The following HACE1 variants were observed in gnomAD, a reference collection of about 807,000 sequenced individuals.
The protein encoded by HACE1 is HECT domain and ankyrin repeat containing E3 ubiquitin protein ligase 1.
HACE1 carries 73 observed loss-of-function variants against 118.4 expected under a neutral mutation model. The ratio of observed to expected loss-of-function variants is 0.62; its 90% CI spans 0.51 to 0.75. The LOEUF is 0.75. HACE1 is among the 30% of genes least tolerant of loss of function. The probability of loss-of-function intolerance (pLI) is 0.00; values close to 1 mark genes in which losing one functional copy is unlikely to be tolerated. For synonymous variants in HACE1, 368 were observed against 374.8 expected (o/e 0.98, Z 0.21); for missense variants, 749 against 1,102.2 (o/e 0.68, Z 4.54).
At chr6:104,744,479 T>C in intron 21 of HACE1, 33 bp downstream of exon 21, 1 of 1,193,434 alleles carries the variant, frequency 8.4e-7, no homozygotes, top group East Asian at 2.3e-5. Context: ...ACGGCAAAAC[T>C]TAACTTCATT....
intron 20 of HACE1, among the ~76,000 whole-genome samples, chr6:104,748,125 CTA>C (rs1179364674): frequency 6.6e-6 from 1 of 151,674 alleles, no homozygotes; most frequent in East Asian, 1.9e-4. Flanking sequence ...ATAAACTGAA[CTA>C]TGTTAAACCC....
At chr6:104,758,613 C>G (rs1778981620) in intron 19 of HACE1, among the ~76,000 whole-genome samples, 1 of 152,134 alleles carries the variant, frequency 6.6e-6, no homozygotes, top group Non-Finnish European at 1.5e-5. Flanking sequence ...CTGTAAAGAC[C>G]ATCGACGCTA....
intron 1 of HACE1, chr6:104,858,395 AT>A: frequency 2.3e-5 from 6 of 258,862 alleles, no homozygotes; most frequent in Admixed American, 1.1e-4. Flanking sequence ...ACTAGAGACC[AT>A]TTTTTCAAGA....
intron 9 of HACE1, 35 bp downstream of exon 9, chr6:104,796,617 GCTT>G: frequency 1.0e-6 from 1 of 1,002,916 alleles, no homozygotes; most frequent in Non-Finnish European, 1.6e-6. Flanking sequence ...CAGGAATAAA[GCTT>G]CTTCATTTAC....
chr6:104,737,385 G>A (rs7766552), intron 22 of HACE1, among the ~76,000 whole-genome samples: 1 of 150,984 alleles, frequency 6.6e-6, no homozygotes, highest in African/African-American at 2.4e-5. Flanking sequence ...CCACGCAAAA[G>A]ATGGTGATTT....
intron 19 of HACE1, among the ~76,000 whole-genome samples, chr6:104,761,253 CAAG>C (rs1562310634): frequency 6.6e-6 from 1 of 152,088 alleles, no homozygotes; most frequent in Non-Finnish European, 1.5e-5. Context: ...CAATCCTGGG[CAAG>C]AAGAACAAAG....
At chr6:104,795,136 T>C (rs955903685) in intron 10 of HACE1, among the ~76,000 whole-genome samples, 1 of 152,204 alleles carries the variant, frequency 6.6e-6, no homozygotes, top group East Asian at 1.9e-4. Context: ...CAGGATCTTT[T>C]AGAAATAATA....
chr6:104,779,395 G>A (rs1781515431), intron 14 of HACE1, among the ~76,000 whole-genome samples: 1 of 152,098 alleles, frequency 6.6e-6, no homozygotes, highest in Non-Finnish European at 1.5e-5. Flanking sequence ...CAATATGATC[G>A]ATGAGAGATG....
intron 19 of HACE1, among the ~76,000 whole-genome samples, chr6:104,757,600 G>A (rs1778865975): frequency 6.6e-6 from 1 of 152,178 alleles, no homozygotes; most frequent in Non-Finnish European, 1.5e-5. Flanking sequence ...AACCAGAGCA[G>A]AAAGGCTGAA....
rs971915140 is a variant in HACE1 at position 104,842,454 on chromosome 6, GT to G, written c.402+768del. ...CCCCGTCTCTACTGAAAATACAAAA[GT>G]TTTTTTTTTTTTTAACCGTGATTAT... is the stretch of plus-strand genomic sequence containing the variant. On this transcript the variant is annotated intron_variant, in intron 5 of 23. Coordinates refer to ENST00000262903, the MANE Select transcript of HACE1 (RefSeq NM_020771.4). 8.6e-3 allele frequency: 1,235 copies of G among 142,950 alleles called. 14 individuals are homozygous for G. Among genetic ancestry groups the G allele is most frequent in the African/African-American group, 0.026 (1,039 of 39,288 alleles). 8.9% of individuals were successfully genotyped at this position (142,950 alleles called of 1,614,324 possible). A position where few individuals can be genotyped will look rare whatever the true frequency, so the allele number is the denominator to read the frequency against.
At chr6:104,823,545 T>C (rs1022791630) in intron 6 of HACE1, among the ~76,000 whole-genome samples, 3 of 151,964 alleles carry the variant, frequency 2.0e-5, no homozygotes, top group Admixed American at 1.3e-4. Context: ...CCTCAAAATA[T>C]GCAACTATTA....
chr6:104,851,028 T>TA, intron 2 of HACE1, 32 bp from the exon 3 acceptor site: 1 of 1,294,210 alleles, frequency 7.7e-7, no homozygotes, highest in Non-Finnish European at 1.1e-6. Context: ...GAATCAAGTG[T>TA]AAAAAAAGTT....
intron 7 of HACE1, among the ~76,000 whole-genome samples, chr6:104,802,087 C>T (rs1051680136): frequency 4.8e-5 from 7 of 146,622 alleles, no homozygotes; most frequent in Non-Finnish European, 8.9e-5. Context: ...ATAAAACAGA[C>T]GTTAGACGAA....
intron 11 of HACE1, among the ~76,000 whole-genome samples, chr6:104,788,047 C>T (rs985620989): frequency 1.3e-5 from 2 of 152,026 alleles, no homozygotes; most frequent in Admixed American, 1.3e-4. Flanking sequence ...AAAATTCATT[C>T]TTCAATCACA....
At chr6:104,763,072 T>G (rs1047773327) in intron 19 of HACE1, among the ~76,000 whole-genome samples, 9 of 151,776 alleles carry the variant, frequency 5.9e-5, no homozygotes, top group African/African-American at 1.4e-4. Flanking sequence ...TACTGGTCAT[T>G]CAGGTTACCA....
chr6:104,851,057 C>A (rs1776153802), intron 2 of HACE1, 61 bp from the exon 3 acceptor site: 1 of 916,042 alleles, frequency 1.1e-6, no homozygotes, highest in Non-Finnish European at 1.8e-6. Flanking sequence ...CATAATAAAT[C>A]AAGTTAACAA....
Position 104,772,023 on chromosome 6 carries a change from T to C in HACE1, c.1916A>G (p.Asn639Ser), listed in dbSNP as rs1479367419. 6.2e-7 allele frequency: 1 copy of C among 1,609,164 alleles called. No homozygotes were observed. The highest frequency in any genetic ancestry group is 8.5e-7 in the Non-Finnish European group (1 of 1,175,666). The stretch of plus-strand genomic sequence containing the variant: ...GATCTGCCCAGCAAACCGAAAATAG[T>C]TCAAGTGATCAGGATTTACATAAGA... ...SNSYVNPDHL[N>S]YFRFAGQILG... The change falls in exon 18 of 24, where the codon AAC (asparagine) becomes AGC (serine). Residue 639 changes from asparagine to serine, a missense_variant. Transcript: ENST00000262903.
chr6:104,826,233 A>G (rs1773316778), intron 6 of HACE1, among the ~76,000 whole-genome samples: 1 of 152,230 alleles, frequency 6.6e-6, no homozygotes, highest in South Asian at 2.1e-4. Context: ...CAAAAAGGTT[A>G]GAGACCACTG....
chr6:104,835,310 T>C (rs1774414218), intron 5 of HACE1, among the ~76,000 whole-genome samples: 1 of 152,164 alleles, frequency 6.6e-6, no homozygotes, highest in African/African-American at 2.4e-5. Flanking sequence ...TACAAATTTT[T>C]TTAAAGCAAA....
Sources: gnomAD v4.1 joint callset for allele counts (sites outside exome capture counted in the v4.1 genomes callset) on GRCh38, gnomAD v4.1.1 for gene constraint, MANE v1.5 for transcripts, NCBI Gene and HGNC (gene_info 2026-07-23, HGNC 2026-07-21) for gene names.